The following NOA1 variants were observed in gnomAD, a reference collection of about 807,000 sequenced individuals.
The protein encoded by NOA1 is nitric oxide associated 1.
In NOA1, 35 loss-of-function variants were observed where a neutral mutation model predicts 58.4. The observed-to-expected ratio is 0.60, with a 90% CI of 0.46 to 0.79. The LOEUF is 0.79. NOA1 is among the 30% of genes least tolerant of loss of function. NOA1 has a pLI of 0.00. For missense variants in NOA1, 895 were observed against 894.6 expected, an observed-to-expected ratio of 1.00 and a Z score of -0.01; for synonymous variants, 397 against 373.4, an observed-to-expected ratio of 1.06 and a Z score of -0.73.
rs1197219605 is a variant in NOA1 at position 56,976,818 on chromosome 4, A to G, written c.768T>C (p.Asp256=). The change falls in exon 1 of 7, where the codon GAT becomes GAC. Residue 256 remains aspartate, a synonymous_variant. Transcript: ENST00000264230. ...GCAGCCTCTGCCGGTAGCCAGGAGCATCCTGGGGCAGGAGGTCCACTTTGT... is the reference window on the plus strand; with the variant it reads ...GCAGCCTCTGCCGGTAGCCAGGAGCGTCCTGGGGCAGGAGGTCCACTTTGT... ...LGNKVDLLPQ[D]APGYRQRLRE... 1.2e-6 allele frequency: 2 copies of G among 1,611,746 alleles called. No individual in the cohort carries two copies. The highest frequency in any genetic ancestry group is 3.3e-5 in the Admixed American group (2 of 59,986).
rs1721969473 is a variant in NOA1, at chr4:56,977,372, A to T, written c.214T>A (p.Phe72Ile). 6.2e-7 allele frequency: 1 copy of T among 1,614,002 alleles called. No individual in the cohort carries two copies. The highest frequency in any genetic ancestry group is 1.3e-5 in the African/African-American group (1 of 74,934). ...FGEGGDMQER[F>I]LFPEYILDPE... is the part of the protein sequence containing the mutation. The stretch of plus-strand genomic sequence containing the variant: ...TCCAGGATGTACTCCGGGAACAGAA[A>T]ACGCTCCTGCATGTCACCACCTTCT... Residue 72 changes from phenylalanine to isoleucine, a missense_variant, in exon 1 of 7, where the codon TTT (phenylalanine) becomes ATT (isoleucine). Coordinates refer to ENST00000264230, the MANE Select transcript of NOA1 (RefSeq NM_032313.4).
intron 1 of NOA1, 51 bp from the exon 2 acceptor site, chr4:56,974,073 A>ATTTTT: frequency 1.7e-6 from 2 of 1,154,156 alleles, no homozygotes; most frequent in Non-Finnish European, 2.3e-6. Flanking sequence ...AAGGGGGAAG[A>ATTTTT]AAATGAACAT....
In NOA1 at chr4:56,976,867, G is replaced by T. The variant is rs1213834656; in HGVS notation, c.719C>A (p.Pro240His). 6.2e-7 allele frequency: 1 copy of T among 1,613,114 alleles called. No homozygotes were observed. Among genetic ancestry groups the T allele is most frequent in the South Asian group, 1.1e-5 (1 of 91,072 alleles). The change falls in exon 1 of 7, where the codon CCC becomes CAC. Residue 240 changes from proline (P) to histidine (H), a missense_variant. By Grantham distance (77) the Pro-to-His change is moderately conservative (BLOSUM62 -2). Coordinates refer to ENST00000264230, the MANE Select transcript of NOA1 (RefSeq NM_032313.4). Reference sequence around the variant, plus strand: ...GTTTCCCAGCACGATCAGCTGCTTGGGGCCCACCAGCGCGGGCAAGTCGGG... The same window carrying T: ...GTTTCCCAGCACGATCAGCTGCTTGTGGCCCACCAGCGCGGGCAAGTCGGG... The part of the protein sequence containing the change: ...LLPDLPALVG[P>H]KQLIVLGNKV...
In NOA1 at chr4:56,976,235, T is replaced by C. The variant is rs542689215; in HGVS notation, c.1144+207A>G. ...GAGACGTGCTCCATAAACACTTCCA[T>C]TGAAAATTACTACAACACATCCTCA... On this transcript the variant is annotated intron_variant, in intron 1 of 6. Transcript: ENST00000264230. Among the ~76,000 whole-genome samples, 10 of 152,290 alleles carry C rather than the reference T, an allele frequency of 6.6e-5. No individual in the cohort carries two copies. The South Asian group carries it at 1.0e-3, about 16-fold the overall frequency.
Position 56,963,590 on chromosome 4 carries a change from A to G in NOA1, c.1957T>C (p.Leu653=), listed in dbSNP as rs897320968. Residue 653 remains leucine (L), a synonymous_variant, in exon 7 of 7, where the codon TTG becomes CTG. Coordinates refer to ENST00000264230, the MANE Select transcript of NOA1 (RefSeq NM_032313.4). The part of the protein sequence containing the change: ...LRGYTPEGTV[L]TVRPPLLPYI... ...GGCAAGAGAGGGGGCCGGACGGTCA[A>G]AACTGTTCCTTCAGGTGTATAGCCT... 1.9e-6 allele frequency: 3 copies of G among 1,614,118 alleles called. No individual in the cohort carries two copies. Among genetic ancestry groups the G allele is most frequent in the Non-Finnish European group, 2.5e-6 (3 of 1,180,026 alleles).
At chr4:56,968,338 T>C in intron 4 of NOA1, 46 bp downstream of exon 4, 1 of 1,578,078 alleles carries the variant, frequency 6.3e-7, no homozygotes, top group East Asian at 2.2e-5. Flanking sequence ...TTAAAGTGAA[T>C]CCCAATATTT....
At position 56,966,823 on chromosome 4, in the gene NOA1, C is replaced by T. The variant is rs551994460; in HGVS notation, c.1648-87G>A. ...TACAATCAACTAAAAAAAAAACAAA[C>T]CAAAAAACAAAAACCCAATCAGACT... On this transcript the variant is annotated intron_variant, in intron 4 of 6. Coordinates refer to ENST00000264230, the MANE Select transcript of NOA1 (RefSeq NM_032313.4). 7.0e-6 allele frequency: 6 copies of T among 854,416 alleles called. No individual in the cohort carries two copies. In the African/African-American group the frequency reaches 1.0e-4, roughly 15 times the overall value. 52.9% of individuals were successfully genotyped at this position (854,416 alleles called of 1,614,324 possible). A position where few individuals can be genotyped will look rare whatever the true frequency, so the allele number is the denominator to read the frequency against.
chr4:56,977,555 G>A lies in NOA1; in HGVS notation c.31C>T (p.Leu11=), dbSNP rs1721978550. 6.2e-7 allele frequency: 1 copy of A among 1,607,496 alleles called. No homozygotes were observed. The change falls in exon 1 of 7, where the codon CTG becomes TTG. Residue 11 remains leucine (L), a synonymous_variant. Transcript: ENST00000264230. MLPARLPFRL[L]SLFLRGSAPT... ...GCGGATCCACGAAGGAAAAGGCTCA[G>A]CAGCCTGAACGGTAGGCGAGCGGGC...
intron 3 of NOA1, among the ~76,000 whole-genome samples, chr4:56,969,036 C>T (rs1350784620): frequency 6.6e-6 from 1 of 152,114 alleles, no homozygotes; most frequent in Non-Finnish European, 1.5e-5. Context: ...TTATTTCTCC[C>T]AAATATTCAG....
At chr4:56,975,393 G>C (rs1172545044) in intron 1 of NOA1, among the ~76,000 whole-genome samples, 1 of 149,862 alleles carries the variant, frequency 6.7e-6, no homozygotes, top group Non-Finnish European at 1.5e-5. Context: ...CACTTTGGGA[G>C]GACGAGGTGG....
chr4:56,973,078 C>T, intron 3 of NOA1, 70 bp downstream of exon 3: 1 of 1,356,328 alleles, frequency 7.4e-7, no homozygotes, highest in South Asian at 1.2e-5. Flanking sequence ...TGTATCTGGG[C>T]AGCAGGCAAT....
intron 1 of NOA1, among the ~76,000 whole-genome samples, chr4:56,975,585 T>C (rs1721892003): frequency 6.7e-6 from 1 of 150,060 alleles, no homozygotes; most frequent in African/African-American, 2.5e-5. Context: ...CTACTGAAAA[T>C]ACAAAAATTA....
chr4:56,970,051 T>G (rs1431438681), intron 3 of NOA1, among the ~76,000 whole-genome samples: 1 of 152,126 alleles, frequency 6.6e-6, no homozygotes, highest in East Asian at 1.9e-4. Flanking sequence ...TCCAAAGTGC[T>G]GGGATTACAG....
Position 56,968,518 on chromosome 4 carries a change from G to A in NOA1, c.1516-3C>T. On this transcript the variant is annotated splice_region_variant and splice_polypyrimidine_tract_variant and intron_variant, in intron 3 of 6. Coordinates refer to ENST00000264230, the MANE Select transcript of NOA1 (RefSeq NM_032313.4). ...TTTTCTGTTAGAAGATTTAAAATCT[G>A]TGAAGCAAATGGCAGATTTTTAAGA... The A allele has an allele frequency of 1.9e-6, 3 of 1,576,534 alleles. No individual in the cohort carries two copies. The highest frequency in any genetic ancestry group is 2.6e-6 in the Non-Finnish European group (3 of 1,159,774).
intron 4 of NOA1, among the ~76,000 whole-genome samples, chr4:56,967,666 G>A (rs1156479143): frequency 6.6e-6 from 1 of 151,928 alleles, no homozygotes. Flanking sequence ...CTATATAAAC[G>A]AATACCAAAC....
intron 5 of NOA1, among the ~76,000 whole-genome samples, chr4:56,964,815 A>G (rs781666): frequency 0.37 from 55,594 of 151,918 alleles, 10,437 homozygotes; most frequent in Admixed American, 0.43. Context: ...TGTTTTTAGA[A>G]TCCTCCACAG....
rs1284830685 is a variant in NOA1 at position 56,976,962 on chromosome 4, C to T, written c.624G>A (p.Ala208=). ...REQYLELVSA[A]LRRPGPSLVL... Reference sequence around the variant, plus strand: ...CCAGGGAGGGGCCGGGCCGCCGCAACGCGGCGCTCACCAGCTCCAGGTACT... The same window carrying T: ...CCAGGGAGGGGCCGGGCCGCCGCAATGCGGCGCTCACCAGCTCCAGGTACT... Residue 208 remains alanine, a synonymous_variant, in exon 1 of 7, where the codon GCG becomes GCA. Coordinates refer to ENST00000264230, the MANE Select transcript of NOA1 (RefSeq NM_032313.4). The T allele has an allele frequency of 1.2e-6, 2 of 1,601,090 alleles. No individual in the cohort carries two copies. Among genetic ancestry groups the T allele is most frequent in the Non-Finnish European group, 1.7e-6 (2 of 1,176,790 alleles).
At chr4:56,967,122 C>CTA (rs1424508973) in intron 4 of NOA1, among the ~76,000 whole-genome samples, 39 of 152,132 alleles carry the variant, frequency 2.6e-4, no homozygotes, top group Non-Finnish European at 4.0e-4. Flanking sequence ...TGGCTCATGC[C>CTA]TATAATCCCA....
Position 56,977,551 on chromosome 4 carries a change from C to T in NOA1, c.35G>A (p.Ser12Asn). The change falls in exon 1 of 7, where the codon AGC (serine) becomes AAC (asparagine). Residue 12 changes from serine (S) to asparagine (N), a missense_variant. Physicochemically the swap from Ser to Asn is conservative, Grantham distance 46. Transcript: ENST00000264230. ...GGGAGCGGATCCACGAAGGAAAAGGCTCAGCAGCCTGAACGGTAGGCGAGC... is the reference window on the plus strand; with the variant it reads ...GGGAGCGGATCCACGAAGGAAAAGGTTCAGCAGCCTGAACGGTAGGCGAGC... ...LPARLPFRLL[S>N]LFLRGSAPTA... The T allele has an allele frequency of 6.2e-7, 1 of 1,608,410 alleles. No homozygotes were observed. The highest frequency in any genetic ancestry group is 8.5e-7 in the Non-Finnish European group (1 of 1,177,426).
Sources: allele counts gnomAD v4.1 joint callset (sites outside exome capture counted in the v4.1 genomes callset), GRCh38; gene constraint gnomAD v4.1.1; transcripts MANE v1.5; gene names NCBI Gene and HGNC (gene_info 2026-07-23, HGNC 2026-07-21).